The following TENM2 variants were observed in gnomAD, a reference collection of about 807,000 sequenced individuals.
TENM2 encodes teneurin-2.
Under a neutral mutation model 245.2 loss-of-function variants are expected in TENM2, and 52 were observed. The ratio of observed to expected loss-of-function variants is 0.21; its 90% CI spans 0.17 to 0.27. The LOEUF (loss-of-function observed/expected upper bound fraction) is 0.27, where lower values mean the gene tolerates loss of function less well. Among genes scored for constraint, TENM2 ranks in the 10% least tolerant of loss-of-function variants. TENM2 has a pLI of 1.00. For synonymous variants in TENM2, 1,363 were observed against 1,438.9 expected (o/e 0.95, Z 1.19); for missense variants, 3,046 against 3,666.8 (o/e 0.83, Z 4.37).
At position 167,300,687 on chromosome 5, in the gene TENM2, T is replaced by G. The variant is rs72645739; in HGVS notation, c.226+15624T>G. Among the ~76,000 whole-genome samples, 1,471 of 151,472 alleles carry G rather than the reference T, an allele frequency of 9.7e-3. 109 individuals carry two copies. In the East Asian group the frequency reaches 0.18, roughly 19 times the overall value. ...TAGGTTTTAATGGGATGGTAAGGGG[T>G]GCATGATTGGTCGATAAGGAAGGAG... On this transcript the variant is annotated intron_variant, in intron 1 of 28. Coordinates refer to ENST00000518659, the Ensembl canonical transcript of TENM2.
chr5:167,413,240 A>T (rs772887874), intron 2 of TENM2, among the ~76,000 whole-genome samples: 4 of 152,154 alleles, frequency 2.6e-5, no homozygotes, highest in Non-Finnish European at 4.4e-5. Flanking sequence ...GTTACAAGTT[A>T]GTTCATTGTT....
At chr5:168,188,730 A>C (rs1375638110) in intron 13 of TENM2, among the ~76,000 whole-genome samples, 2 of 152,240 alleles carry the variant, frequency 1.3e-5, no homozygotes, top group African/African-American at 4.8e-5. Flanking sequence ...ATTGTGTGTT[A>C]GAATCACCTG....
chr5:166,992,966 T>C, the TENM2 span, among the ~76,000 whole-genome samples: 2 of 152,138 alleles, frequency 1.3e-5, no homozygotes, highest in African/African-American at 4.8e-5. Context: ...CAGTTGCGCA[T>C]TGCCAGATTA....
At chr5:168,030,123 T>G (rs1172321897) in intron 5 of TENM2, among the ~76,000 whole-genome samples, 1 of 148,324 alleles carries the variant, frequency 6.7e-6, no homozygotes, top group Non-Finnish European at 1.5e-5. Context: ...GTCCCTGTTT[T>G]ACCATGTTAC....
the TENM2 span, among the ~76,000 whole-genome samples, chr5:167,150,681 A>G: frequency 3.9e-5 from 6 of 152,196 alleles, no homozygotes; most frequent in African/African-American, 1.4e-4. Flanking sequence ...AATGTGTCCA[A>G]GGTTCTACAT....
At chr5:167,760,901 TTGGCCTCCCAAA>T (rs1484083492) in intron 2 of TENM2, among the ~76,000 whole-genome samples, 1 of 146,698 alleles carries the variant, frequency 6.8e-6, no homozygotes, top group Non-Finnish European at 1.5e-5. Flanking sequence ...TCCGCCCACC[TTGGCCTCCCAAA>T]GTGCTGGGAT....
chr5:168,100,919 A>G (rs1261312389), intron 9 of TENM2, among the ~76,000 whole-genome samples: 7 of 106,236 alleles, frequency 6.6e-5, no homozygotes, highest in Admixed American at 6.1e-4. Flanking sequence ...AACTTCAAGT[A>G]TAATTAAAAA....
At chr5:167,626,191 A>C (rs1327626731) in intron 2 of TENM2, among the ~76,000 whole-genome samples, 1 of 152,174 alleles carries the variant, frequency 6.6e-6, no homozygotes, top group Non-Finnish European at 1.5e-5. Flanking sequence ...GCTAAGTTTT[A>C]TGATATCCAT....
At chr5:167,327,927 T>A (rs1757185209) in intron 1 of TENM2, among the ~76,000 whole-genome samples, 1 of 152,172 alleles carries the variant, frequency 6.6e-6, no homozygotes, top group African/African-American at 2.4e-5. Flanking sequence ...ATGTTTGTGA[T>A]GATATTGTAT....
At chr5:167,535,347 C>T (rs1771781720) in intron 2 of TENM2, among the ~76,000 whole-genome samples, 1 of 151,850 alleles carries the variant, frequency 6.6e-6, no homozygotes, top group South Asian at 2.1e-4. Flanking sequence ...AGAAGTCTAG[C>T]AGAGATGACT....
intron 2 of TENM2, among the ~76,000 whole-genome samples, chr5:167,473,299 A>G (rs925452933): frequency 6.6e-6 from 1 of 152,244 alleles, no homozygotes; most frequent in Middle Eastern, 3.4e-3. Flanking sequence ...GATGTTAACA[A>G]TACTGTTTTT....
intron 2 of TENM2, among the ~76,000 whole-genome samples, chr5:167,768,257 T>G (rs902088018): frequency 6.6e-6 from 1 of 152,154 alleles, no homozygotes; most frequent in Non-Finnish European, 1.5e-5. Flanking sequence ...AAGTAGATAG[T>G]TCTTTATGTG....
intron 3 of TENM2, among the ~76,000 whole-genome samples, chr5:167,876,650 C>T (rs1410643496): frequency 1.3e-5 from 2 of 151,950 alleles, no homozygotes; most frequent in African/African-American, 4.8e-5. Context: ...AACTTCTATT[C>T]CTTGCTTGTT....
chr5:167,823,511 G>A (rs977756485), intron 2 of TENM2, among the ~76,000 whole-genome samples: 4 of 152,114 alleles, frequency 2.6e-5, no homozygotes, highest in African/African-American at 9.7e-5. Context: ...CTGGAATGCT[G>A]TATAAAACAC....
chr5:168,064,771 G>A (rs1020755044), intron 7 of TENM2, among the ~76,000 whole-genome samples: 1 of 152,186 alleles, frequency 6.6e-6, no homozygotes, highest in Non-Finnish European at 1.5e-5. Context: ...CAGTTTGAAA[G>A]TTCACTGTGT....
At chr5:167,506,008 C>A (rs1448239725) in intron 2 of TENM2, among the ~76,000 whole-genome samples, 1 of 151,440 alleles carries the variant, frequency 6.6e-6, no homozygotes, top group Non-Finnish European at 1.5e-5. Context: ...TAGTGAGACC[C>A]CATGTTTAAT....
intron 2 of TENM2, among the ~76,000 whole-genome samples, chr5:167,469,779 G>A (rs1174597570): frequency 1.3e-5 from 2 of 151,590 alleles, no homozygotes; most frequent in African/African-American, 4.8e-5. Flanking sequence ...TTTTAGCTGT[G>A]TGTGTTTATT....
chr5:167,344,448 T>G lies in TENM2; in HGVS notation c.227-30750T>G, dbSNP rs370401301. Among the ~76,000 whole-genome samples the G allele has an allele frequency of 2.2e-4, 33 of 151,804 alleles. No individual in the cohort carries two copies. In the South Asian group the frequency reaches 4.1e-3, roughly 19 times the overall value. On this transcript the variant is annotated intron_variant, in intron 1 of 28. Transcript: ENST00000518659. The stretch of plus-strand genomic sequence containing the variant: ...ATTCAGTGACTAGAACCAAGAAATG[T>G]TGAAAAGAAATTCATCTCTGCTTGG...
intron 2 of TENM2, among the ~76,000 whole-genome samples, chr5:167,715,379 A>T (rs1476865861): frequency 6.6e-6 from 1 of 152,216 alleles, no homozygotes; most frequent in African/African-American, 2.4e-5. Context: ...CTTCAGCTGG[A>T]GGCAGGTGGC....
Sources: gnomAD v4.1 joint callset for allele counts (sites outside exome capture counted in the v4.1 genomes callset) on GRCh38, gnomAD v4.1.1 for gene constraint, MANE v1.5 for transcripts, NCBI Gene and HGNC (gene_info 2026-07-23, HGNC 2026-07-21) for gene names.